SRPK2: variants seen among roughly 807,000 people sequenced by gnomAD.
SRPK2 encodes the protein SRSF protein kinase 2.
Under a neutral mutation model 90.8 loss-of-function variants are expected in SRPK2, and 21 were observed. The observed-to-expected ratio is 0.23, with a 90% CI of 0.16 to 0.33. The LOEUF (loss-of-function observed/expected upper bound fraction) is 0.33. Among genes scored for constraint, SRPK2 ranks in the 10% least tolerant of loss-of-function variants. SRPK2 has a pLI of 1.00. For missense variants in SRPK2, 620 were observed against 869.0 expected, an observed-to-expected ratio of 0.71 and a Z score of 3.60; for synonymous variants, 288 against 311.1, an observed-to-expected ratio of 0.93 and a Z score of 0.78.
At chr7:105,142,640 G>A in intron 10 of SRPK2, 150 bp from the exon 11 acceptor site, 1 of 1,098,846 alleles carries the variant, frequency 9.1e-7, no homozygotes, top group Non-Finnish European at 1.3e-6. Flanking sequence ...AAACCTTCAG[G>A]TTTTCTAAAT....
intron 2 of SRPK2, among the ~76,000 whole-genome samples, chr7:105,328,059 A>G (rs946158739): frequency 3.3e-5 from 5 of 152,198 alleles, no homozygotes; most frequent in African/African-American, 1.2e-4. Context: ...TACAGGCGTG[A>G]GCCACAATGC....
At chr7:105,279,246 G>C (rs1021077515) in intron 2 of SRPK2, among the ~76,000 whole-genome samples, 2 of 152,126 alleles carry the variant, frequency 1.3e-5, no homozygotes, top group Non-Finnish European at 2.9e-5. Context: ...AGGCAGAAGA[G>C]AATGAAGAAG....
intron 2 of SRPK2, among the ~76,000 whole-genome samples, chr7:105,357,916 C>G (rs1817966104): frequency 1.3e-5 from 2 of 152,234 alleles, no homozygotes; most frequent in South Asian, 4.2e-4. Flanking sequence ...CCACCCCCAT[C>G]TCTGCACAGT....
At chr7:105,255,152 T>C (rs548201870) in intron 2 of SRPK2, among the ~76,000 whole-genome samples, 1 of 75,030 alleles carries the variant, frequency 1.3e-5, no homozygotes, top group Non-Finnish European at 4.1e-5. Flanking sequence ...AAAGTTATGC[T>C]AAAATGATAA....
intron 2 of SRPK2, among the ~76,000 whole-genome samples, chr7:105,206,139 C>A (rs1170111620): frequency 1.3e-5 from 2 of 152,144 alleles, no homozygotes; most frequent in East Asian, 3.9e-4. Flanking sequence ...CAGTAGCACA[C>A]AGCCCCCCAC....
intron 14 of SRPK2, among the ~76,000 whole-genome samples, chr7:105,126,689 C>T (rs906372098): frequency 2.6e-5 from 4 of 152,212 alleles, no homozygotes; most frequent in African/African-American, 9.6e-5. Context: ...AAAAGGACCA[C>T]ATAGAGGCTT....
intron 3 of SRPK2, among the ~76,000 whole-genome samples, chr7:105,189,020 C>T (rs949491556): frequency 6.6e-6 from 1 of 152,152 alleles, no homozygotes; most frequent in Non-Finnish European, 1.5e-5. Flanking sequence ...GAAGAAGCCA[C>T]CATGTTAATT....
At chr7:105,333,652 AT>A (rs1445075556) in intron 2 of SRPK2, among the ~76,000 whole-genome samples, 2 of 152,088 alleles carry the variant, frequency 1.3e-5, no homozygotes, top group Non-Finnish European at 2.9e-5. Flanking sequence ...CTGCTAGTTC[AT>A]TTTGTACAGT....
At chr7:105,134,242 G>T (rs543156686) in intron 11 of SRPK2, among the ~76,000 whole-genome samples, 4 of 152,298 alleles carry the variant, frequency 2.6e-5, no homozygotes, top group Admixed American at 2.6e-4. Context: ...CCTGGTGAGA[G>T]GTGACTGGAT....
intron 2 of SRPK2, among the ~76,000 whole-genome samples, chr7:105,205,151 A>T (rs1389628386): frequency 6.6e-6 from 1 of 152,124 alleles, no homozygotes; most frequent in Non-Finnish European, 1.5e-5. Flanking sequence ...GAGAGCCTCC[A>T]ACACCACCAC....
rs767942992 is a variant in SRPK2, at chr7:105,142,366, A to G, written c.1185T>C (p.Asn395=). 10 of 1,613,986 alleles carry G rather than the reference A, an allele frequency of 6.2e-6. No individual in the cohort carries two copies. In the East Asian group the frequency reaches 2.2e-4, roughly 36 times the overall value. ...DPTWIESPKT[N]GHIENGPFSL... ...AGAATGGGCCATTCTCAATATGGCC[A>G]TTGGTTTTAGGTGATTCTATCCACG... Residue 395 remains asparagine (N), a synonymous_variant, in exon 11 of 16, where the codon AAT becomes AAC. Transcript: ENST00000393651.
At chr7:105,159,466 A>AAACAAAAAC (rs1554428678) in intron 7 of SRPK2, among the ~76,000 whole-genome samples, 1 of 114,230 alleles carries the variant, frequency 8.8e-6, no homozygotes, top group Non-Finnish European at 1.8e-5. Context: ...AAAAAAAAAA[A>AAACAAAAAC]AAAAAAACCG....
chr7:105,136,793 G>C (rs1031094414), intron 11 of SRPK2, among the ~76,000 whole-genome samples: 1 of 152,198 alleles, frequency 6.6e-6, no homozygotes, highest in Non-Finnish European at 1.5e-5. Flanking sequence ...CAAGGAAGTA[G>C]TGGAACTAAG....
At chr7:105,260,218 C>T (rs899500143) in intron 2 of SRPK2, among the ~76,000 whole-genome samples, 63 of 152,126 alleles carry the variant, frequency 4.1e-4, no homozygotes, top group African/African-American at 1.5e-3. Context: ...AAAAAGTGGG[C>T]AAAGGATATG....
At chr7:105,147,099 C>T (rs544374046) in intron 7 of SRPK2, among the ~76,000 whole-genome samples, 2 of 152,272 alleles carry the variant, frequency 1.3e-5, no homozygotes, top group Admixed American at 6.5e-5. Context: ...ATTTTCTCTT[C>T]TTTATGATTG....
At chr7:105,244,827 A>T (rs1250153393) in intron 2 of SRPK2, 1 of 976,330 alleles carries the variant, frequency 1.0e-6, no homozygotes, top group Non-Finnish European at 1.7e-6. Flanking sequence ...CACGCCAAGG[A>T]GTTACTGAAA....
chr7:105,166,799 T>C (rs1037254812), intron 6 of SRPK2, among the ~76,000 whole-genome samples: 3 of 152,210 alleles, frequency 2.0e-5, no homozygotes, highest in Non-Finnish European at 4.4e-5. Flanking sequence ...AATGTTTCCA[T>C]ACTCACCTGA....
intron 7 of SRPK2, among the ~76,000 whole-genome samples, chr7:105,151,853 C>G (rs1805720432): frequency 6.6e-6 from 1 of 151,872 alleles, no homozygotes; most frequent in Non-Finnish European, 1.5e-5. Flanking sequence ...GTGAAACCCC[C>G]TCTCTACTAA....
chr7:105,364,550 G>T (rs751681974), intron 2 of SRPK2, among the ~76,000 whole-genome samples: 12 of 151,832 alleles, frequency 7.9e-5, no homozygotes, highest in African/African-American at 2.7e-4. Flanking sequence ...ACAGGTACCC[G>T]CCATCATGCC....
Sources: allele counts gnomAD v4.1 joint callset (sites outside exome capture counted in the v4.1 genomes callset), GRCh38; gene constraint gnomAD v4.1.1; transcripts MANE v1.5; gene names NCBI Gene and HGNC (gene_info 2026-07-23, HGNC 2026-07-21).